The following PCDHA13 variants were observed in gnomAD, a reference collection of about 807,000 sequenced individuals.
PCDHA13 encodes protocadherin alpha 13, also known as protocadherin alpha-13.
In PCDHA13, 54 loss-of-function variants were observed where a neutral mutation model predicts 64.8. The ratio of observed to expected loss-of-function variants is 0.83; its 90% CI spans 0.67 to 1.04. The LOEUF (loss-of-function observed/expected upper bound fraction) is 1.04, where lower values mean the gene tolerates loss of function less well. PCDHA13 is among the 50% of genes least tolerant of loss of function. The pLI is 0.00. For synonymous variants in PCDHA13, 587 were observed against 564.4 expected, an observed-to-expected ratio of 1.04 and a Z score of -0.57; for missense variants, 1,248 against 1,254.3, an observed-to-expected ratio of 0.99 and a Z score of 0.08.
intron 1 of PCDHA13, chr5:140,928,442 A>G (rs781976941): frequency 1.2e-6 from 2 of 1,614,166 alleles, no homozygotes; most frequent in South Asian, 1.1e-5. Flanking sequence ...GACTTTGAGC[A>G]GCTCAGGGGG....
At chr5:140,957,781 TTCA>T (rs2095383587) in intron 1 of PCDHA13, among the ~76,000 whole-genome samples, 1 of 152,072 alleles carries the variant, frequency 6.6e-6, no homozygotes, top group African/African-American at 2.4e-5. Context: ...AAAAACTAAG[TTCA>T]TCATATATGT....
chr5:140,965,242 A>T (rs1373643411), intron 1 of PCDHA13, among the ~76,000 whole-genome samples: 2 of 152,196 alleles, frequency 1.3e-5, no homozygotes, highest in African/African-American at 4.8e-5. Context: ...GGGAAGAGTG[A>T]ATATTCAGAA....
At chr5:140,970,146 C>A (rs1408492600) in intron 1 of PCDHA13, among the ~76,000 whole-genome samples, 3 of 152,156 alleles carry the variant, frequency 2.0e-5, no homozygotes, top group Admixed American at 6.5e-5. Context: ...AAAAAGAATT[C>A]TCCCAATAGT....
At chr5:140,953,124 A>G (rs1554220816) in intron 1 of PCDHA13, among the ~76,000 whole-genome samples, 1 of 152,150 alleles carries the variant, frequency 6.6e-6, no homozygotes, top group African/African-American at 2.4e-5. Flanking sequence ...ACAGATCTAA[A>G]CCGTATCACT....
intron 1 of PCDHA13, among the ~76,000 whole-genome samples, chr5:140,970,255 A>G (rs155806): frequency 0.089 from 13,563 of 152,250 alleles, 783 homozygotes; most frequent in Middle Eastern, 0.22. Context: ...GACAGTTTCT[A>G]TGGTTTTGAT....
At chr5:140,933,480 G>C (rs1255769578) in intron 1 of PCDHA13, among the ~76,000 whole-genome samples, 1 of 151,846 alleles carries the variant, frequency 6.6e-6, no homozygotes, top group South Asian at 2.1e-4. Flanking sequence ...ACACATTATG[G>C]TTATTCTTTA....
intron 1 of PCDHA13, among the ~76,000 whole-genome samples, chr5:140,919,626 T>C (rs1554199177): frequency 6.6e-6 from 1 of 152,244 alleles, no homozygotes. Flanking sequence ...TTTTGAGTTA[T>C]TTTCACAGTA....
At chr5:140,916,647 C>T (rs2077666767) in intron 1 of PCDHA13, among the ~76,000 whole-genome samples, 1 of 152,180 alleles carries the variant, frequency 6.6e-6, no homozygotes, top group African/African-American at 2.4e-5. Context: ...TGTGGCTGAG[C>T]TGGTATCCAA....
At chr5:140,987,963 T>C (rs2097275753) in intron 3 of PCDHA13, among the ~76,000 whole-genome samples, 1 of 152,190 alleles carries the variant, frequency 6.6e-6, no homozygotes, top group Non-Finnish European at 1.5e-5. Context: ...CAACTCCCCA[T>C]GGAAAGACTC....
rs185799175 is a variant in PCDHA13, at chr5:140,887,220, C to G, written c.2394+2558C>G. ...CACGCCATTCTCCTGCCTCAGCCTC[C>G]CGAGTAGCTGAGACTACCGGCGCCC... On this transcript the variant is annotated intron_variant, in intron 1 of 3. Coordinates refer to ENST00000289272, the MANE Select transcript of PCDHA13 (RefSeq NM_018904.3). Among the ~76,000 whole-genome samples, 14 of 152,078 alleles carry G rather than the reference C, an allele frequency of 9.2e-5. No individual in the cohort carries two copies. In the East Asian group the frequency reaches 2.7e-3, roughly 30 times the overall value.
chr5:141,010,327 G>A lies in PCDHA13; in HGVS notation c.*390G>A. 2 of 1,539,744 alleles carry A rather than the reference G, an allele frequency of 1.3e-6. No individual in the cohort carries two copies. Among genetic ancestry groups the A allele is most frequent in the African/African-American group, 2.8e-5 (2 of 72,602 alleles). ...AAAGTTTTGAGATTGAGCAGCTTGG[G>A]AGTTTGTGGCCACTGGGTATGTGTG... On this transcript the variant is annotated 3_prime_UTR_variant, in exon 4 of 4. Transcript: ENST00000289272.
At chr5:140,983,588 C>T (rs530448589) in intron 3 of PCDHA13, among the ~76,000 whole-genome samples, 2 of 152,270 alleles carry the variant, frequency 1.3e-5, no homozygotes, top group East Asian at 3.9e-4. Flanking sequence ...TACATCTATT[C>T]TACATATGAG....
intron 1 of PCDHA13, among the ~76,000 whole-genome samples, chr5:140,915,326 T>C (rs2077071352): frequency 6.6e-6 from 1 of 152,196 alleles, no homozygotes; most frequent in Non-Finnish European, 1.5e-5. Flanking sequence ...TACAGTGTTA[T>C]AATATTCTGT....
rs1554181387 is a variant in PCDHA13 at position 140,884,254 on chromosome 5, G to A, written c.1986G>A (p.Thr662=). 2 of 1,613,406 alleles carry A rather than the reference G, an allele frequency of 1.2e-6. No individual in the cohort carries two copies. The highest frequency in any genetic ancestry group is 1.7e-5 in the Admixed American group (1 of 59,982). Residue 662 remains threonine, a synonymous_variant, in exon 1 of 4, where the codon ACG becomes ACA. Transcript: ENST00000289272. ...ACGGTGAGCCCGCGCTGACGGCCAC[G>A]GCAACGGTGCTGTTGTCGCTGGTGG... ...KDHGEPALTA[T]ATVLLSLVES...
intron 1 of PCDHA13, among the ~76,000 whole-genome samples, chr5:140,915,256 T>C (rs782716023): frequency 1.3e-5 from 2 of 152,162 alleles, no homozygotes; most frequent in Non-Finnish European, 2.9e-5. Flanking sequence ...CAGGTTGTTA[T>C]TATTTTTGAC....
At position 140,913,388 on chromosome 5, in the gene PCDHA13, G is replaced by A. The variant is rs180918053; in HGVS notation, c.2394+28726G>A. On this transcript the variant is annotated intron_variant, in intron 1 of 3. Coordinates refer to ENST00000289272, the MANE Select transcript of PCDHA13 (RefSeq NM_018904.3). ...TATTGGCATATAGTGGCTCATCATAGCCACTAATGATCCTTTGAATTCCTG... is the reference window on the plus strand; with the variant it reads ...TATTGGCATATAGTGGCTCATCATAACCACTAATGATCCTTTGAATTCCTG... Among the ~76,000 whole-genome samples, 155 of 152,188 alleles carry A rather than the reference G, an allele frequency of 1.0e-3. 2 individuals are homozygous for A. The highest frequency in any genetic ancestry group is 3.7e-3 in the African/African-American group (152 of 41,534).
At position 140,927,036 on chromosome 5, in the gene PCDHA13, C is replaced by A. The variant is rs137875923; in HGVS notation, c.2394+42374C>A. On this transcript the variant is annotated intron_variant, in intron 1 of 3. Transcript: ENST00000289272. ...CCGCGGACTTGAGGCTGCCAGCGGC[C>A]GCTATGTCCTCGCGGAACTTTCGCT... 9.3e-6 allele frequency: 15 copies of A among 1,612,314 alleles called. No homozygotes were observed. In the East Asian group the frequency reaches 3.3e-4, roughly 36 times the overall value.
chr5:140,927,933 C>G (rs1273187123), intron 1 of PCDHA13: 2 of 1,614,208 alleles, frequency 1.2e-6, no homozygotes, highest in East Asian at 4.5e-5. Context: ...CTCTTTCGAA[C>G]CCAGTACCTG....
intron 3 of PCDHA13, among the ~76,000 whole-genome samples, chr5:141,004,049 A>T (rs1372116883): frequency 6.6e-6 from 1 of 152,208 alleles, no homozygotes; most frequent in African/African-American, 2.4e-5. Flanking sequence ...TCATTTGCTG[A>T]TACTGGCCCC....
Sources: gnomAD v4.1 joint callset for allele counts (sites outside exome capture counted in the v4.1 genomes callset) on GRCh38, gnomAD v4.1.1 for gene constraint, MANE v1.5 for transcripts, NCBI Gene and HGNC (gene_info 2026-07-23, HGNC 2026-07-21) for gene names.